PTPRR: variants seen among roughly 807,000 people sequenced by gnomAD.
PTPRR encodes the protein protein tyrosine phosphatase receptor type R, also known as receptor-type tyrosine-protein phosphatase R.
Under a neutral mutation model 77.2 loss-of-function variants are expected in PTPRR, and 38 were observed. That is an observed-to-expected ratio of 0.49 (90% CI 0.38 to 0.65). PTPRR has a LOEUF of 0.65. Among genes scored for constraint, PTPRR ranks in the 30% least tolerant of loss-of-function variants. The probability of loss-of-function intolerance (pLI) is 0.00; values close to 1 mark genes in which losing one functional copy is unlikely to be tolerated. For synonymous variants in PTPRR, 299 were observed against 283.1 expected, an observed-to-expected ratio of 1.06 and a Z score of -0.57; for missense variants, 744 against 799.2, an observed-to-expected ratio of 0.93 and a Z score of 0.83.
intron 13 of PTPRR, among the ~76,000 whole-genome samples, chr12:70,655,663 T>C (rs1886548545): frequency 6.6e-6 from 1 of 152,160 alleles, no homozygotes. Context: ...ACTGTATGAC[T>C]CCACTTACGT....
chr12:70,803,622 G>A (rs994251896), intron 2 of PTPRR, among the ~76,000 whole-genome samples: 5 of 152,078 alleles, frequency 3.3e-5, no homozygotes, highest in East Asian at 1.9e-4. Context: ...GGATCATGCC[G>A]AGACAATGCT....
intron 2 of PTPRR, among the ~76,000 whole-genome samples, chr12:70,831,456 G>A (rs1373216714): frequency 1.3e-5 from 2 of 152,218 alleles, no homozygotes; most frequent in East Asian, 3.9e-4. Context: ...GAGGAGCCAG[G>A]CTGGTAAGAA....
chr12:70,681,514 G>GCT (rs1282257345), intron 10 of PTPRR, among the ~76,000 whole-genome samples: 8 of 152,286 alleles, frequency 5.3e-5, no homozygotes, highest in African/African-American at 1.9e-4. Flanking sequence ...CTTGTTCTGA[G>GCT]CTAATACTGG....
chr12:70,762,742 G>T (rs979436731), intron 3 of PTPRR, among the ~76,000 whole-genome samples: 74 of 152,120 alleles, frequency 4.9e-4, no homozygotes, highest in Non-Finnish European at 2.8e-4. Flanking sequence ...AACGTAAGAG[G>T]CTTGCCCACA....
chr12:70,677,462 T>C (rs1887490712), intron 10 of PTPRR, among the ~76,000 whole-genome samples: 1 of 152,180 alleles, frequency 6.6e-6, no homozygotes, highest in South Asian at 2.1e-4. Flanking sequence ...TGAATAGAAG[T>C]GGTGAAAGTG....
At chr12:70,853,956 A>G (rs1002685973) in intron 2 of PTPRR, among the ~76,000 whole-genome samples, 1 of 152,234 alleles carries the variant, frequency 6.6e-6, no homozygotes, top group African/African-American at 2.4e-5. Context: ...TTGTGACTCA[A>G]CAACAAATCT....
intron 2 of PTPRR, among the ~76,000 whole-genome samples, chr12:70,809,226 T>C (rs1259383308): frequency 6.6e-6 from 1 of 152,134 alleles, no homozygotes; most frequent in Non-Finnish European, 1.5e-5. Context: ...CCTTAAACAC[T>C]GACATGATGC....
At chr12:70,743,460 G>A (rs1442768530) in intron 6 of PTPRR, among the ~76,000 whole-genome samples, 7 of 152,186 alleles carry the variant, frequency 4.6e-5, no homozygotes, top group African/African-American at 1.7e-4. Flanking sequence ...GATTAAGGGA[G>A]TTTCTTTAAT....
intron 6 of PTPRR, among the ~76,000 whole-genome samples, chr12:70,732,640 G>C (rs923983420): frequency 6.6e-6 from 1 of 151,988 alleles, no homozygotes; most frequent in Admixed American, 6.6e-5. Context: ...AGCTCATTGC[G>C]ACCTCCGCAT....
At chr12:70,889,118 A>C (rs1368329483) in intron 2 of PTPRR, among the ~76,000 whole-genome samples, 1 of 152,214 alleles carries the variant, frequency 6.6e-6, no homozygotes, top group Non-Finnish European at 1.5e-5. Flanking sequence ...ACTTACAACA[A>C]CATATTCCTC....
chr12:70,800,407 A>C (rs892419441), intron 2 of PTPRR, among the ~76,000 whole-genome samples: 2 of 152,120 alleles, frequency 1.3e-5, no homozygotes, highest in African/African-American at 4.8e-5. Context: ...GGATGGGGCT[A>C]AGAGGAGCAA....
rs1890268695 is a variant in PTPRR at position 70,748,052 on chromosome 12, A to G, written c.739-1966T>C. ...TACTGGCATCTGGTAGGCAGAGGCT[A>G]ACTACCTTTACAATGCATTGGAAAG... On this transcript the variant is annotated intron_variant, in intron 5 of 13. Transcript: ENST00000283228. Among the ~76,000 whole-genome samples the G allele has an allele frequency of 2.6e-5, 4 of 152,132 alleles. No individual in the cohort carries two copies. The South Asian group carries it at 8.3e-4, about 32-fold the overall frequency.
chr12:70,727,870 C>T (rs765149789), intron 6 of PTPRR, among the ~76,000 whole-genome samples: 7 of 152,192 alleles, frequency 4.6e-5, no homozygotes, highest in Non-Finnish European at 8.8e-5. Context: ...GAGTAAACAA[C>T]TGTATCAGTG....
chr12:70,903,607 T>A (rs1340017874), intron 1 of PTPRR, among the ~76,000 whole-genome samples: 1 of 151,840 alleles, frequency 6.6e-6, no homozygotes, highest in Non-Finnish European at 1.5e-5. Flanking sequence ...GATCTAAATG[T>A]GTAATGTACA....
chr12:70,730,650 C>T (rs1201798133), intron 6 of PTPRR, among the ~76,000 whole-genome samples: 2 of 151,948 alleles, frequency 1.3e-5, no homozygotes, highest in Non-Finnish European at 2.9e-5. Context: ...TAGTGAGACC[C>T]CCATCTCTGC....
intron 2 of PTPRR, among the ~76,000 whole-genome samples, chr12:70,837,733 A>G (rs1378896797): frequency 1.3e-5 from 2 of 152,030 alleles, no homozygotes; most frequent in Non-Finnish European, 2.9e-5. Flanking sequence ...TTCATTACAA[A>G]GGCATGATGA....
intron 6 of PTPRR, among the ~76,000 whole-genome samples, chr12:70,704,566 C>T (rs1313490925): frequency 1.3e-5 from 2 of 152,098 alleles, no homozygotes; most frequent in African/African-American, 4.8e-5. Flanking sequence ...AAGCCTTTGA[C>T]ATCCCGTGTC....
At chr12:70,910,740 C>G (rs1421965042) in intron 1 of PTPRR, among the ~76,000 whole-genome samples, 1 of 152,090 alleles carries the variant, frequency 6.6e-6, no homozygotes, top group Non-Finnish European at 1.5e-5. Flanking sequence ...TCTAGAGGTA[C>G]AGAGGTTCCC....
At chr12:70,721,500 A>C (rs1889251090) in intron 6 of PTPRR, among the ~76,000 whole-genome samples, 1 of 152,182 alleles carries the variant, frequency 6.6e-6, no homozygotes. Flanking sequence ...AAGGTGGACT[A>C]TTGTGGGGGA....
Sources: allele counts gnomAD v4.1 joint callset (sites outside exome capture counted in the v4.1 genomes callset), GRCh38; gene constraint gnomAD v4.1.1; transcripts MANE v1.5; gene names NCBI Gene and HGNC (gene_info 2026-07-23, HGNC 2026-07-21).